Variants in ETV6 observed in about 807,000 individuals in gnomAD.
ETV6 encodes the protein ETS variant transcription factor 6, also known as transcription factor ETV6.
In ETV6, 16 loss-of-function variants were observed where a neutral mutation model predicts 51.1. That is an observed-to-expected ratio of 0.31 (90% CI 0.21 to 0.48). The LOEUF (loss-of-function observed/expected upper bound fraction) is 0.48, where lower values mean the gene tolerates loss of function less well. Among genes scored for constraint, ETV6 ranks in the 20% least tolerant of loss-of-function variants. ETV6 has a pLI of 0.99. For missense variants in ETV6, 458 were observed against 594.8 expected, an observed-to-expected ratio of 0.77 and a Z score of 2.39; for synonymous variants, 240 against 224.1, an observed-to-expected ratio of 1.07 and a Z score of -0.64.
Position 11,717,557 on chromosome 12 carries a change from G to A in ETV6, c.34-34893G>A, listed in dbSNP as rs189016643. On this transcript the variant is annotated intron_variant, in intron 1 of 7. Coordinates refer to ENST00000396373, the MANE Select transcript of ETV6 (RefSeq NM_001987.5). The stretch of plus-strand genomic sequence containing the variant: ...ACATGTGTGTGCATAAGGAACATCC[G>A]TCCATCTCTAGCTGTCATGTCTGAG... Among the ~76,000 whole-genome samples the A allele has an allele frequency of 2.0e-4, 30 of 152,260 alleles. No homozygotes were observed. In the East Asian group the frequency reaches 3.1e-3, roughly 16 times the overall value.
chr12:11,691,992 T>C (rs1864775605), intron 1 of ETV6, among the ~76,000 whole-genome samples: 2 of 152,192 alleles, frequency 1.3e-5, no homozygotes, highest in Non-Finnish European at 1.5e-5. Flanking sequence ...GTAGACTTCA[T>C]AGGAGACAAG....
At chr12:11,783,315 A>C (rs1025874335) in intron 2 of ETV6, among the ~76,000 whole-genome samples, 1 of 152,196 alleles carries the variant, frequency 6.6e-6, no homozygotes, top group African/African-American at 2.4e-5. Context: ...GATGCTGCAT[A>C]GAATTCAGGT....
At chr12:11,784,460 A>C in intron 2 of ETV6, among the ~76,000 whole-genome samples, 1 of 884 alleles carries the variant, frequency 1.1e-3, no homozygotes, top group South Asian at 0.062. Context: ...CTCCATCTCA[A>C]AAAAAAAAAA....
intron 1 of ETV6, among the ~76,000 whole-genome samples, chr12:11,694,701 T>C (rs997004180): frequency 6.6e-6 from 1 of 152,260 alleles, no homozygotes; most frequent in Non-Finnish European, 1.5e-5. Context: ...CTTTCAGATA[T>C]TCAACTCTGC....
intron 5 of ETV6, among the ~76,000 whole-genome samples, chr12:11,879,951 G>A (rs1947061017): frequency 6.7e-6 from 1 of 148,298 alleles, no homozygotes; most frequent in African/African-American, 2.5e-5. Context: ...AAAGGATCTA[G>A]GAACCTAAAG....
At chr12:11,711,421 G>A (rs1035941858) in intron 1 of ETV6, among the ~76,000 whole-genome samples, 1 of 152,144 alleles carries the variant, frequency 6.6e-6, no homozygotes, top group African/African-American at 2.4e-5. Context: ...TTCATTTGTG[G>A]AGGGAACAGA....
intron 1 of ETV6, among the ~76,000 whole-genome samples, chr12:11,722,951 A>G (rs1368165264): frequency 6.6e-6 from 1 of 152,176 alleles, no homozygotes; most frequent in Non-Finnish European, 1.5e-5. Flanking sequence ...GGTGGGACAA[A>G]GAATTTGCAA....
intron 1 of ETV6, among the ~76,000 whole-genome samples, chr12:11,680,589 C>G (rs1481570247): frequency 6.6e-6 from 1 of 152,216 alleles, no homozygotes; most frequent in Non-Finnish European, 1.5e-5. Flanking sequence ...ATTAAAGACT[C>G]ATGTGAGGGG....
chr12:11,886,430 T>G (rs965345816), intron 7 of ETV6, among the ~76,000 whole-genome samples: 1 of 151,178 alleles, frequency 6.6e-6, no homozygotes, highest in African/African-American at 2.4e-5. Flanking sequence ...TGACCCACAG[T>G]GAGTCATGAA....
At chr12:11,817,578 A>G (rs1946011467) in intron 2 of ETV6, among the ~76,000 whole-genome samples, 1 of 152,228 alleles carries the variant, frequency 6.6e-6, no homozygotes, top group African/African-American at 2.4e-5. Context: ...CTAATCATGT[A>G]CTTTTCTAGC....
chr12:11,721,512 T>C (rs1230747235), intron 1 of ETV6, among the ~76,000 whole-genome samples: 1 of 152,146 alleles, frequency 6.6e-6, no homozygotes, highest in Non-Finnish European at 1.5e-5. Context: ...CACTTATAAG[T>C]AGGAGCTATA....
Position 11,768,717 on chromosome 12 carries a change from C to G in ETV6, c.163+16138C>G, listed in dbSNP as rs1055725866. Among the ~76,000 whole-genome samples, 15 of 152,222 alleles carry G rather than the reference C, an allele frequency of 9.9e-5. 1 individual carries two copies. Among genetic ancestry groups the G allele is most frequent in the Admixed American group, 8.5e-4 (13 of 15,288 alleles). ...ATACCTGGGTGATAAACTGAGCAAACATCACCCTTGCCCTTGCCTCTGAAA... is the reference window on the plus strand; with the variant it reads ...ATACCTGGGTGATAAACTGAGCAAAGATCACCCTTGCCCTTGCCTCTGAAA... On this transcript the variant is annotated intron_variant, in intron 2 of 7. Transcript: ENST00000396373.
At chr12:11,788,836 C>T (rs1945530857) in intron 2 of ETV6, among the ~76,000 whole-genome samples, 1 of 151,014 alleles carries the variant, frequency 6.6e-6, no homozygotes, top group Non-Finnish European at 1.5e-5. Flanking sequence ...CTTTCTTCCC[C>T]CTACCCCAAC....
intron 2 of ETV6, among the ~76,000 whole-genome samples, chr12:11,821,558 C>T (rs746675580): frequency 4.0e-5 from 6 of 149,602 alleles, no homozygotes; most frequent in Non-Finnish European, 7.4e-5. Flanking sequence ...AGATGTTGAC[C>T]GGGCACAGTG....
intron 5 of ETV6, among the ~76,000 whole-genome samples, chr12:11,871,513 A>G (rs1946881573): frequency 6.6e-6 from 1 of 152,064 alleles, no homozygotes; most frequent in Admixed American, 6.5e-5. Flanking sequence ...TTTTATTTAA[A>G]TCATGTATTT....
At chr12:11,882,070 T>C (rs1386491994) in intron 5 of ETV6, among the ~76,000 whole-genome samples, 1 of 152,212 alleles carries the variant, frequency 6.6e-6, no homozygotes, top group African/African-American at 2.4e-5. Context: ...GTTGTTGTTT[T>C]AAGAAGGAGG....
At chr12:11,745,862 C>T (rs920870262) in intron 1 of ETV6, among the ~76,000 whole-genome samples, 1 of 152,184 alleles carries the variant, frequency 6.6e-6, no homozygotes, top group African/African-American at 2.4e-5. Flanking sequence ...TTTCTAGCCA[C>T]GGCCAAGTTA....
chr12:11,890,985 G>A lies in ETV6; in HGVS notation c.1298G>A (p.Arg433His), dbSNP rs1398054657. ...GAAATCATGAGTGGCCGAACAGACC[G>A]TCTGGAGCACCTAGAGTCCCAGGAG... ...PDEIMSGRTD[R>H]LEHLESQELD... Residue 433 changes from arginine (R) to histidine (H), a missense_variant, in exon 8 of 8, where the codon CGT becomes CAT. Physicochemically the swap from Arg to His is conservative, Grantham distance 29 (BLOSUM62 0). This residue lies in a region of ETV6 where 55 missense variants were observed against 151.2 expected (regional missense o/e 0.36). Coordinates refer to ENST00000396373, the MANE Select transcript of ETV6 (RefSeq NM_001987.5). 2.5e-6 allele frequency: 4 copies of A among 1,613,756 alleles called. No homozygotes were observed. The highest frequency in any genetic ancestry group is 1.7e-5 in the Admixed American group (1 of 59,986).
chr12:11,758,033 G>A (rs1359776895), intron 2 of ETV6, among the ~76,000 whole-genome samples: 2 of 152,190 alleles, frequency 1.3e-5, no homozygotes, highest in Non-Finnish European at 2.9e-5. Context: ...CTGAGAGTGG[G>A]CTCAATCCAG....
Sources: gnomAD v4.1 joint callset for allele counts (sites outside exome capture counted in the v4.1 genomes callset) on GRCh38, gnomAD v4.1.1 for gene constraint, gnomAD v4.1.1 regional missense constraint, MANE v1.5 for transcripts, NCBI Gene and HGNC (gene_info 2026-07-23, HGNC 2026-07-21) for gene names.